Variants in ENOX2 observed in about 807,000 individuals in gnomAD.
The protein encoded by ENOX2 is ecto-NOX disulfide-thiol exchanger 2.
Under a neutral mutation model 45.0 loss-of-function variants are expected in ENOX2, and 36 were observed. The ratio of observed to expected loss-of-function variants is 0.80; its 90% CI spans 0.61 to 1.06. The LOEUF (loss-of-function observed/expected upper bound fraction) is 1.06. ENOX2 is among the 50% of genes least tolerant of loss of function. The probability of loss-of-function intolerance (pLI) is 0.00; values close to 1 mark genes in which losing one functional copy is unlikely to be tolerated. For synonymous variants in ENOX2, 174 were observed against 152.3 expected (o/e 1.14, Z -1.05); for missense variants, 423 against 462.5 (o/e 0.91, Z 0.78).
chrX:130,709,336 A>C, intron 3 of ENOX2: 1 of 1,110,034 alleles, frequency 9.0e-7, no homozygotes, highest in Non-Finnish European at 1.2e-6. Context: ...TCATTTCTGC[A>C]GAAAGAAGAT....
chrX:130,795,954 A>G (rs1178508308), intron 2 of ENOX2, among the ~76,000 whole-genome samples: 1 of 110,478 alleles, frequency 9.1e-6, no homozygotes, highest in Admixed American at 9.7e-5. Context: ...GACTTATTGT[A>G]GGATCTTAGA....
chrX:130,876,538 G>A (rs943267738), intron 2 of ENOX2, among the ~76,000 whole-genome samples: 7 of 111,460 alleles, frequency 6.3e-5, no homozygotes, highest in African/African-American at 2.3e-4. Context: ...TTAGATTTTT[G>A]GTGAGGGTTG....
chrX:130,901,754 C>T (rs988406703), intron 1 of ENOX2, 23 bp from the exon 2 acceptor site: 2 of 112,266 alleles, frequency 1.8e-5, no homozygotes, highest in South Asian at 7.4e-4. Context: ...GAAAAATCAT[C>T]CAATCTTAAT....
intron 3 of ENOX2, among the ~76,000 whole-genome samples, chrX:130,715,012 T>C (rs890250383): frequency 2.7e-5 from 3 of 112,231 alleles, no homozygotes; most frequent in Non-Finnish European, 5.6e-5. Flanking sequence ...GTCTAAAACC[T>C]AGAATGCAAG....
intron 5 of ENOX2, among the ~76,000 whole-genome samples, chrX:130,684,027 G>C (rs1160274255): frequency 8.9e-6 from 1 of 112,259 alleles, no homozygotes; most frequent in Non-Finnish European, 1.9e-5. Context: ...TATGAAACCA[G>C]GCTGGCCTGT....
chrX:130,671,343 ATGAAGTGATCCCTATGAT>A (rs1354936581), intron 6 of ENOX2, among the ~76,000 whole-genome samples: 1 of 112,005 alleles, frequency 8.9e-6, no homozygotes, highest in Non-Finnish European at 1.9e-5. Context: ...CAAGAACCAA[ATGAAGTGATCCCTATGAT>A]TGCCCCAGTT....
chrX:130,689,599 A>C (rs1259205155), intron 4 of ENOX2, among the ~76,000 whole-genome samples: 1 of 111,799 alleles, frequency 8.9e-6, no homozygotes, highest in Non-Finnish European at 1.9e-5. Context: ...GCCTTTGTTC[A>C]TGTTTTTCTT....
intron 2 of ENOX2, among the ~76,000 whole-genome samples, chrX:130,846,629 G>A (rs941287646): frequency 8.9e-6 from 1 of 112,409 alleles, no homozygotes; most frequent in Non-Finnish European, 1.9e-5. Flanking sequence ...GAGCCACTGC[G>A]CCCAGCCGGC....
intron 2 of ENOX2, among the ~76,000 whole-genome samples, chrX:130,817,123 G>C (rs2077502527): frequency 8.9e-6 from 1 of 112,079 alleles, no homozygotes; most frequent in South Asian, 3.7e-4. Context: ...ACTACCATCA[G>C]AGAATAGTAT....
In ENOX2 at chrX:130,679,582, A is replaced by AAAGCGAATGTGGCAG. The variant is rs758789724; in HGVS notation, c.405_419dup (p.Cys136_Phe140dup). The AAAGCGAATGTGGCAG allele has an allele frequency of 4.1e-6, 5 of 1,211,394 alleles. No homozygotes were observed. The highest frequency in any genetic ancestry group is 5.6e-6 in the Non-Finnish European group (5 of 895,126). On this transcript the variant is annotated inframe_insertion, in exon 6 of 15. Transcript: ENST00000394363. ...CTTTGTCCACCATGTACTCCTCAGC[A>AAAGCGAATGTGGCAG]AAGCGAATGTGGCAGAAGTTCTTCT...
intron 2 of ENOX2, among the ~76,000 whole-genome samples, chrX:130,875,603 G>A (rs1183538712): frequency 8.9e-6 from 1 of 111,815 alleles, no homozygotes; most frequent in Non-Finnish European, 1.9e-5. Flanking sequence ...TGGATATCCA[G>A]GTGAATACTA....
rs756044779 is a variant in ENOX2 at position 130,673,376 on chromosome X, A to G, written c.461-3178T>C. 2.7e-5 allele frequency among the ~76,000 whole-genome samples: 3 copies of G among 110,547 alleles called. No homozygotes were observed. The South Asian group carries it at 1.2e-3, about 43-fold the overall frequency. On this transcript the variant is annotated intron_variant, in intron 6 of 14. Transcript: ENST00000394363. ...TCTGAAACGACAAAGAATTCAAAATATGGATTGTAAGGAAGCTCAATGAGA... is the reference window on the plus strand; with the variant it reads ...TCTGAAACGACAAAGAATTCAAAATGTGGATTGTAAGGAAGCTCAATGAGA...
At chrX:130,792,725 G>A (rs1050899954) in intron 2 of ENOX2, among the ~76,000 whole-genome samples, 6 of 111,699 alleles carry the variant, frequency 5.4e-5, no homozygotes, top group Admixed American at 3.8e-4. Context: ...CCCGGGTGGC[G>A]GAGGTTGCAG....
intron 3 of ENOX2, among the ~76,000 whole-genome samples, chrX:130,739,558 T>C (rs771126503): frequency 2.2e-4 from 25 of 112,788 alleles, no homozygotes; most frequent in Non-Finnish European, 4.1e-4. Context: ...GTAATTATAA[T>C]AGCCCATTTT....
intron 2 of ENOX2, among the ~76,000 whole-genome samples, chrX:130,892,763 C>A (rs1603381166): frequency 8.9e-6 from 1 of 112,740 alleles, no homozygotes; most frequent in South Asian, 3.6e-4. Context: ...AGGTATAATG[C>A]AGGATGACTT....
At chrX:130,692,609 C>G (rs1232742726) in intron 4 of ENOX2, among the ~76,000 whole-genome samples, 2 of 100,111 alleles carry the variant, frequency 2.0e-5, no homozygotes, top group African/African-American at 7.4e-5. Flanking sequence ...GAGACGGAGT[C>G]CCGCTCTGTT....
At chrX:130,715,750 G>A (rs1437564881) in intron 3 of ENOX2, among the ~76,000 whole-genome samples, 5 of 110,998 alleles carry the variant, frequency 4.5e-5, no homozygotes, top group Non-Finnish European at 9.4e-5. Flanking sequence ...TTCTAGTCCT[G>A]GCCCAACATT....
chrX:130,891,206 G>GT (rs200395951), intron 2 of ENOX2, among the ~76,000 whole-genome samples: 1,277 of 106,538 alleles, frequency 0.012, 23 homozygotes, highest in African/African-American at 0.04. Context: ...ATTTTAAAAA[G>GT]TTTTTTTTTT....
At chrX:130,631,643 A>G (rs1391238165) in intron 12 of ENOX2, 67 bp from the exon 13 acceptor site, 17 of 584,183 alleles carry the variant, frequency 2.9e-5, no homozygotes, top group Non-Finnish European at 3.9e-5. Context: ...TCAATTAACT[A>G]CACAACAGGT....
Sources: allele counts gnomAD v4.1 joint callset (sites outside exome capture counted in the v4.1 genomes callset), GRCh38; gene constraint gnomAD v4.1.1; transcripts MANE v1.5; gene names NCBI Gene and HGNC (gene_info 2026-07-23, HGNC 2026-07-21).